The following CDC42SE2 variants were observed in gnomAD, a reference collection of about 807,000 sequenced individuals.
CDC42SE2 encodes the protein CDC42 small effector protein 2.
A neutral mutation model predicts 11.5 loss-of-function variants in CDC42SE2; 3 were observed. The ratio of observed to expected loss-of-function variants is 0.26; its 90% confidence interval spans 0.12 to 0.67. CDC42SE2 has a LOEUF of 0.67. CDC42SE2 is among the 30% of genes least tolerant of loss of function. The pLI is 0.80. For synonymous variants in CDC42SE2, 33 were observed against 34.8 expected (o/e 0.95, Z 0.18); for missense variants, 82 against 106.8 (o/e 0.77, Z 1.02).
intron 2 of CDC42SE2, among the ~76,000 whole-genome samples, chr5:131,334,435 T>G (rs1405452297): frequency 6.6e-6 from 1 of 152,190 alleles, no homozygotes; most frequent in Non-Finnish European, 1.5e-5. Context: ...CTTTTTTGGT[T>G]GTGTCTCTGC....
the CDC42SE2 span, among the ~76,000 whole-genome samples, chr5:131,210,107 A>G: frequency 6.6e-6 from 1 of 152,156 alleles, no homozygotes; most frequent in Non-Finnish European, 1.5e-5. Context: ...TTCTTTCATG[A>G]GGCCTCATCA....
chr5:131,314,805 T>C (rs1296531559), intron 1 of CDC42SE2, among the ~76,000 whole-genome samples: 1 of 152,218 alleles, frequency 6.6e-6, no homozygotes, highest in Non-Finnish European at 1.5e-5. Context: ...TTTTCATTTT[T>C]CCTTTAATGA....
At chr5:131,293,845 C>T (rs6888325) in intron 1 of CDC42SE2, among the ~76,000 whole-genome samples, 18,977 of 152,190 alleles carry the variant, frequency 0.12, 2,764 homozygotes, top group African/African-American at 0.35. Flanking sequence ...CCTGGTGTGC[C>T]AGGTCCTGAC....
chr5:131,336,824 G>A (rs141370986), intron 2 of CDC42SE2, among the ~76,000 whole-genome samples: 1 of 152,114 alleles, frequency 6.6e-6, no homozygotes, highest in Non-Finnish European at 1.5e-5. Flanking sequence ...AGCTCCATCA[G>A]GTCCTTTAAC....
In CDC42SE2 at chr5:131,323,055, T is replaced by C. The variant is rs57617645; in HGVS notation, c.-286+6911T>C. On this transcript the variant is annotated intron_variant, in intron 2 of 4. Transcript: ENST00000505065. ...TTTTCTTCTTTCTTTTGAGACAGGC[T>C]TTCACTCTGTTGCCCAGGCTCGAGT... Among the ~76,000 whole-genome samples the C allele has an allele frequency of 6.3e-3, 964 of 152,230 alleles. 24 individuals carry two copies. The East Asian group carries it at 0.086, about 14-fold the overall frequency.
At chr5:131,323,882 A>G (rs1758245740) in intron 2 of CDC42SE2, among the ~76,000 whole-genome samples, 1 of 152,202 alleles carries the variant, frequency 6.6e-6, no homozygotes, top group Non-Finnish European at 1.5e-5. Flanking sequence ...GTTCAAGAGC[A>G]AGATCAGTTG....
At chr5:131,386,725 G>A (rs1561438667) in intron 4 of CDC42SE2, among the ~76,000 whole-genome samples, 1 of 152,232 alleles carries the variant, frequency 6.6e-6, no homozygotes, top group Non-Finnish European at 1.5e-5. Flanking sequence ...AGGCCACTGA[G>A]TTTCAACAGA....
chr5:131,325,687 C>T (rs1253535803), intron 2 of CDC42SE2, among the ~76,000 whole-genome samples: 1 of 152,154 alleles, frequency 6.6e-6, no homozygotes, highest in East Asian at 1.9e-4. Context: ...CCCAAGGAAA[C>T]TGAGGTCCCA....
In CDC42SE2 at chr5:131,394,110, A is replaced by T. The variant is rs1270866585; in HGVS notation, c.*3019A>T. On this transcript the variant is annotated 3_prime_UTR_variant, in exon 5 of 5. Transcript: ENST00000505065. Reference sequence around the variant, plus strand: ...TTTTATAAAGGGGGTTGTAAATCTCAAGAGGTCATTTGTTCCCCATAGCAG... The same window carrying T: ...TTTTATAAAGGGGGTTGTAAATCTCTAGAGGTCATTTGTTCCCCATAGCAG... 1 of 152,348 alleles carries T rather than the reference A, an allele frequency of 6.6e-6. No individual in the cohort carries two copies. Among genetic ancestry groups the T allele is most frequent in the Non-Finnish European group, 1.5e-5 (1 of 68,034 alleles). 9.4% of individuals were successfully genotyped at this position (152,348 alleles called of 1,614,324 possible). A position where few individuals can be genotyped will look rare whatever the true frequency, so the allele number is the denominator to read the frequency against.
intron 2 of CDC42SE2, among the ~76,000 whole-genome samples, chr5:131,335,502 G>A (rs1758534451): frequency 6.6e-6 from 1 of 152,146 alleles, no homozygotes; most frequent in Non-Finnish European, 1.5e-5. Context: ...GCAGAGCTGA[G>A]TTCAATTCCT....
chr5:131,247,670 G>A (rs1015725878), intron 1 of CDC42SE2, among the ~76,000 whole-genome samples: 17 of 152,098 alleles, frequency 1.1e-4, no homozygotes, highest in African/African-American at 4.1e-4. Flanking sequence ...TATAGATAGA[G>A]TTTCACTCTC....
intron 1 of CDC42SE2, among the ~76,000 whole-genome samples, chr5:131,292,299 G>A (rs929555036): frequency 6.6e-6 from 1 of 150,644 alleles, no homozygotes; most frequent in Admixed American, 6.6e-5. Flanking sequence ...TGGACACAGT[G>A]GCTCACATCT....
the CDC42SE2 span, among the ~76,000 whole-genome samples, chr5:131,235,942 A>G: frequency 6.6e-6 from 1 of 152,332 alleles, no homozygotes; most frequent in African/African-American, 2.4e-5. Context: ...TAGGCCAGTC[A>G]TGTTAACACA....
intron 2 of CDC42SE2, among the ~76,000 whole-genome samples, chr5:131,330,851 C>CAAAAA (rs912955913): frequency 1.7e-5 from 1 of 58,154 alleles, no homozygotes; most frequent in African/African-American, 5.6e-5. Flanking sequence ...CCTGCCTTTA[C>CAAAAA]AAAAAAAAAA....
the CDC42SE2 span, among the ~76,000 whole-genome samples, chr5:131,230,671 C>T: frequency 6.4e-4 from 98 of 152,188 alleles, no homozygotes; most frequent in African/African-American, 2.3e-3. Context: ...TCCAGCCCTC[C>T]AGTGATAGAG....
chr5:131,390,402 C>T (rs780357157), intron 4 of CDC42SE2, among the ~76,000 whole-genome samples: 4 of 152,038 alleles, frequency 2.6e-5, no homozygotes, highest in African/African-American at 4.8e-5. Context: ...TGGAGTTGAT[C>T]GGCCGGGTGC....
At chr5:131,355,344 G>C (rs1188916180) in intron 2 of CDC42SE2, among the ~76,000 whole-genome samples, 1 of 152,046 alleles carries the variant, frequency 6.6e-6, no homozygotes, top group African/African-American at 2.4e-5. Context: ...AAATGTGGTG[G>C]CATGTACCTG....
intron 1 of CDC42SE2, among the ~76,000 whole-genome samples, chr5:131,276,282 A>AG (rs1757100441): frequency 1.3e-4 from 1 of 7,648 alleles, no homozygotes; most frequent in Non-Finnish European, 4.0e-4. Context: ...CCCCATCTAC[A>AG]AAAAAAAAAA....
intron 1 of CDC42SE2, among the ~76,000 whole-genome samples, chr5:131,310,888 T>C (rs1757892361): frequency 6.6e-6 from 1 of 152,126 alleles, no homozygotes; most frequent in Non-Finnish European, 1.5e-5. Flanking sequence ...GGGTCTTGAC[T>C]CTTTATCCAA....
Sources: allele counts gnomAD v4.1 joint callset (sites outside exome capture counted in the v4.1 genomes callset), GRCh38; gene constraint gnomAD v4.1.1; transcripts MANE v1.5; gene names NCBI Gene and HGNC (gene_info 2026-07-23, HGNC 2026-07-21).